ACTR5: variants seen among roughly 807,000 people sequenced by gnomAD.
ACTR5 encodes the protein actin-related protein 5.
Under a neutral mutation model 61.2 loss-of-function variants are expected in ACTR5, and 43 were observed. The observed-to-expected ratio is 0.70, with a 90% CI of 0.55 to 0.91. The LOEUF (loss-of-function observed/expected upper bound fraction) is 0.91. ACTR5 is among the 40% of genes least tolerant of loss of function. The pLI is 0.00. For missense variants in ACTR5, 798 were observed against 782.2 expected (o/e 1.02, Z -0.24); for synonymous variants, 333 against 310.5 (o/e 1.07, Z -0.76).
At position 38,766,276 on chromosome 20, in the gene ACTR5, T is replaced by G; in HGVS notation, c.1332T>G (p.Val444=). 1 of 1,613,938 alleles carries G rather than the reference T, an allele frequency of 6.2e-7. No individual in the cohort carries two copies. Among genetic ancestry groups the G allele is most frequent in the Non-Finnish European group, 8.5e-7 (1 of 1,179,968 alleles). The part of the protein sequence containing the change: ...FNLAAYHQLF[V]GTERIRAPEI... ...TGGCAGCATATCATCAGCTATTTGT[T>G]GGGACAGAAAGAATTCGAGCTCCAG... The change falls in exon 7 of 9, where the codon GTT becomes GTG. Residue 444 remains valine, a synonymous_variant. Coordinates refer to ENST00000243903, the MANE Select transcript of ACTR5 (RefSeq NM_024855.4).
intron 5 of ACTR5, among the ~76,000 whole-genome samples, chr20:38,763,980 G>T (rs796425098): frequency 1.1e-4 from 17 of 152,184 alleles, no homozygotes; most frequent in African/African-American, 4.1e-4. Context: ...AAATACTGTA[G>T]AATCATCTAT....
chr20:38,763,771 T>C (rs2084469095), intron 5 of ACTR5, among the ~76,000 whole-genome samples: 1 of 152,210 alleles, frequency 6.6e-6, no homozygotes, highest in African/African-American at 2.4e-5. Context: ...CCCCTCTTTG[T>C]CTGATTCAGT....
At chr20:38,769,941 A>G (rs2084510266) in intron 8 of ACTR5, among the ~76,000 whole-genome samples, 1 of 152,144 alleles carries the variant, frequency 6.6e-6, no homozygotes, top group South Asian at 2.1e-4. Context: ...CTTAGGATGA[A>G]GTAGTAGAGA....
intron 5 of ACTR5, 149 bp downstream of exon 5, chr20:38,756,188 A>G: frequency 1.1e-6 from 1 of 926,684 alleles, no homozygotes; most frequent in South Asian, 1.9e-5. Context: ...CCTTGTACCA[A>G]CTGAAATTCT....
Position 38,755,100 on chromosome 20 carries a change from G to A in ACTR5, c.919G>A (p.Glu307Lys). ...RRQQQLRRLQ[E>K]LNARRREEKL... ...GCAGCAGCAATTGCGGCGGCTGCAG[G>A]AGCTCAATGCCCGGCGGCGGGAGGA... is the stretch of plus-strand genomic sequence containing the variant. Residue 307 changes from glutamate to lysine, a missense_variant, in exon 4 of 9, where the codon GAG becomes AAG. Transcript: ENST00000243903. The A allele has an allele frequency of 3.1e-6, 5 of 1,614,194 alleles. No individual in the cohort carries two copies. Among genetic ancestry groups the A allele is most frequent in the Non-Finnish European group, 3.4e-6 (4 of 1,180,016 alleles).
chr20:38,749,913 G>T, intron 1 of ACTR5, 97 bp from the exon 2 acceptor site: 1 of 1,063,276 alleles, frequency 9.4e-7, no homozygotes. Context: ...GAAGCCAAAA[G>T]CAAATTCAGT....
At chr20:38,767,425 T>G in intron 7 of ACTR5, 39 bp from the exon 8 acceptor site, 2 of 1,546,528 alleles carry the variant, frequency 1.3e-6, no homozygotes, top group Non-Finnish European at 1.8e-6. Flanking sequence ...TTCTGATATT[T>G]GAGTTAAGGG....
In ACTR5 at chr20:38,771,832, G is replaced by A; in HGVS notation, c.*16G>A. The A allele has an allele frequency of 3.1e-6, 5 of 1,604,938 alleles. No individual in the cohort carries two copies. Among genetic ancestry groups the A allele is most frequent in the Non-Finnish European group, 3.4e-6 (4 of 1,177,474 alleles). On this transcript the variant is annotated 3_prime_UTR_variant, in exon 9 of 9. Transcript: ENST00000243903. ...GCAGGCATAGCAGAGGCCCTCCAGA[G>A]AGACTGCCCTGCACGCCATGCCTTG...
intron 6 of ACTR5, among the ~76,000 whole-genome samples, 192 bp from the exon 7 acceptor site, chr20:38,766,046 A>G (rs775977637): frequency 6.6e-6 from 1 of 152,206 alleles, no homozygotes; most frequent in Non-Finnish European, 1.5e-5. Context: ...GGAAACATGT[A>G]CATGTTTATA....
chr20:38,755,828 C>T, intron 4 of ACTR5, 29 bp from the exon 5 acceptor site: 3 of 1,613,042 alleles, frequency 1.9e-6, no homozygotes, highest in Non-Finnish European at 2.5e-6. Flanking sequence ...AGCTACTTTC[C>T]TTCCTGTTTG....
intron 5 of ACTR5, among the ~76,000 whole-genome samples, chr20:38,758,217 T>C (rs1379616387): frequency 6.6e-6 from 1 of 152,216 alleles, no homozygotes; most frequent in African/African-American, 2.4e-5. Flanking sequence ...TCATCACCCA[T>C]TCCCCCATTC....
chr20:38,749,065 TAAG>T (rs2084370588), intron 1 of ACTR5, among the ~76,000 whole-genome samples: 2 of 152,340 alleles, frequency 1.3e-5, no homozygotes, highest in Non-Finnish European at 2.9e-5. Context: ...GCTTGTTTGT[TAAG>T]AAGCCCATTT....
intron 3 of ACTR5, 139 bp downstream of exon 3, chr20:38,752,439 C>A: frequency 1.0e-6 from 1 of 985,942 alleles, no homozygotes; most frequent in Non-Finnish European, 1.4e-6. Context: ...TTAAACTATT[C>A]AGTAAACTGA....
At chr20:38,757,734 C>T (rs2255213) in intron 5 of ACTR5, among the ~76,000 whole-genome samples, 36,309 of 150,404 alleles carry the variant, frequency 0.24, 4,521 homozygotes, top group Middle Eastern at 0.35. Context: ...CCCAGGCTGT[C>T]GATTATGTGA....
At chr20:38,751,155 G>A (rs892496730) in intron 2 of ACTR5, among the ~76,000 whole-genome samples, 2 of 152,138 alleles carry the variant, frequency 1.3e-5, no homozygotes, top group South Asian at 2.1e-4. Context: ...AGAGACCCAC[G>A]CTTTACAGCT....
At chr20:38,765,314 G>C in intron 5 of ACTR5, 88 bp from the exon 6 acceptor site, 1 of 921,788 alleles carries the variant, frequency 1.1e-6, no homozygotes, top group Non-Finnish European at 1.7e-6. Context: ...CATTGGGCAA[G>C]ATCCCAGTTC....
chr20:38,768,452 G>A (rs2145678053), intron 8 of ACTR5, among the ~76,000 whole-genome samples: 1 of 152,260 alleles, frequency 6.6e-6, no homozygotes, highest in African/African-American at 2.4e-5. Flanking sequence ...TGAAATCTGG[G>A]AGCAACCAGG....
chr20:38,755,026 G>T lies in ACTR5; in HGVS notation c.845G>T (p.Ser282Ile). The T allele has an allele frequency of 6.2e-7, 1 of 1,614,216 alleles. No individual in the cohort carries two copies. The highest frequency in any genetic ancestry group is 8.5e-7 in the Non-Finnish European group (1 of 1,180,038). The change falls in exon 4 of 9, where the codon AGC (serine) becomes ATC (isoleucine). Residue 282 changes from serine to isoleucine, a missense_variant. Physicochemically the swap from Ser to Ile is moderately radical, Grantham distance 142. Coordinates refer to ENST00000243903, the MANE Select transcript of ACTR5 (RefSeq NM_024855.4). Reference sequence around the variant, plus strand: ...CACAAGATGCAGCTCCCATTTTCCAGCAAGCTCCTGGGCAGCACTCTGACC... The same window carrying T: ...CACAAGATGCAGCTCCCATTTTCCATCAAGCTCCTGGGCAGCACTCTGACC... ...NVHKMQLPFS[S>I]KLLGSTLTSE...
At chr20:38,767,629 A>G in intron 8 of ACTR5, 33 bp downstream of exon 8, 1 of 1,582,194 alleles carries the variant, frequency 6.3e-7, no homozygotes, top group Non-Finnish European at 8.6e-7. Flanking sequence ...ATTATTTTGA[A>G]AATAGCATTA....
Sources: allele counts gnomAD v4.1 joint callset (sites outside exome capture counted in the v4.1 genomes callset), GRCh38; gene constraint gnomAD v4.1.1; transcripts MANE v1.5; gene names NCBI Gene and HGNC (gene_info 2026-07-23, HGNC 2026-07-21).